PIWIL4: variants seen among roughly 807,000 people sequenced by gnomAD.
The protein encoded by PIWIL4 is piwi-like protein 4.
PIWIL4 carries 50 observed loss-of-function variants against 100.9 expected under a neutral mutation model. The observed-to-expected ratio is 0.50, with a 90% CI of 0.39 to 0.63. PIWIL4 has a LOEUF of 0.63. Ranked by LOEUF, PIWIL4 falls within the 20% of genes least tolerant of loss-of-function variation. The probability of loss-of-function intolerance (pLI) is 0.00; values close to 1 mark genes in which losing one functional copy is unlikely to be tolerated. For synonymous variants in PIWIL4, 342 were observed against 367.5 expected (o/e 0.93, Z 0.79); for missense variants, 887 against 1,043.3 (o/e 0.85, Z 2.06).
chr11:94,588,864 C>T (rs767814954), intron 7 of PIWIL4, among the ~76,000 whole-genome samples: 51 of 152,180 alleles, frequency 3.4e-4, no homozygotes, highest in Non-Finnish European at 5.7e-4. Flanking sequence ...AGTGAGAAAA[C>T]TAGACTGTGG....
chr11:94,607,147 C>G (rs988328222), intron 13 of PIWIL4, among the ~76,000 whole-genome samples: 1 of 151,856 alleles, frequency 6.6e-6, no homozygotes, highest in African/African-American at 2.4e-5. Flanking sequence ...AGGGAATTGA[C>G]AGAATCAAAT....
At chr11:94,614,516 G>C (rs866404079) in intron 15 of PIWIL4, among the ~76,000 whole-genome samples, 14 of 151,784 alleles carry the variant, frequency 9.2e-5, no homozygotes, top group South Asian at 4.2e-4. Context: ...ACCATGTTGG[G>C]CAGGCTGGTC....
At chr11:94,582,917 G>A (rs1948342329) in intron 4 of PIWIL4, among the ~76,000 whole-genome samples, 1 of 151,966 alleles carries the variant, frequency 6.6e-6, no homozygotes, top group South Asian at 2.1e-4. Context: ...GACTTTGGGA[G>A]GCTGTCCTCT....
chr11:94,598,417 G>A (rs932879172), intron 11 of PIWIL4, among the ~76,000 whole-genome samples: 15 of 152,178 alleles, frequency 9.9e-5, no homozygotes, highest in African/African-American at 3.6e-4. Flanking sequence ...ACAGAACCCA[G>A]CCCCAGACAT....
At chr11:94,610,406 T>C (rs1469638183) in intron 15 of PIWIL4, among the ~76,000 whole-genome samples, 1 of 152,124 alleles carries the variant, frequency 6.6e-6, no homozygotes, top group African/African-American at 2.4e-5. Flanking sequence ...ACTTGAAATT[T>C]TTTGAGGAAC....
chr11:94,619,650 G>C, intron 17 of PIWIL4, 110 bp from the exon 18 acceptor site: 1 of 1,239,100 alleles, frequency 8.1e-7, no homozygotes, highest in Non-Finnish European at 1.1e-6. Flanking sequence ...CTGTTTTGCA[G>C]TGTTTTTCAA....
intron 15 of PIWIL4, among the ~76,000 whole-genome samples, chr11:94,612,702 A>G (rs1948800595): frequency 6.6e-6 from 1 of 151,876 alleles, no homozygotes; most frequent in Non-Finnish European, 1.5e-5. Flanking sequence ...TGTTTTGAGT[A>G]TCTACTATGG....
intron 9 of PIWIL4, among the ~76,000 whole-genome samples, chr11:94,594,754 A>T (rs1483334557): frequency 6.6e-6 from 1 of 151,834 alleles, no homozygotes; most frequent in Non-Finnish European, 1.5e-5. Context: ...CTGGTCTCAA[A>T]CTCCCAACCT....
At chr11:94,590,334 T>C (rs1948466781) in intron 8 of PIWIL4, among the ~76,000 whole-genome samples, 1 of 152,194 alleles carries the variant, frequency 6.6e-6, no homozygotes, top group African/African-American at 2.4e-5. Flanking sequence ...AACTGATCTC[T>C]TCCTTCCTTG....
intron 13 of PIWIL4, among the ~76,000 whole-genome samples, chr11:94,605,381 TCTC>T (rs751627431): frequency 1.3e-5 from 2 of 152,208 alleles, no homozygotes; most frequent in African/African-American, 2.4e-5. Context: ...TTGTCTGATG[TCTC>T]CTCATGATTA....
chr11:94,573,235 C>G (rs546317937), intron 2 of PIWIL4, among the ~76,000 whole-genome samples: 1 of 152,174 alleles, frequency 6.6e-6, no homozygotes, highest in Non-Finnish European at 1.5e-5. Flanking sequence ...CATCTGCAAA[C>G]GGAGACAATT....
At chr11:94,609,591 G>A (rs1235249908) in intron 15 of PIWIL4, among the ~76,000 whole-genome samples, 2 of 151,958 alleles carry the variant, frequency 1.3e-5, no homozygotes, top group East Asian at 3.9e-4. Context: ...TCTTATATAT[G>A]CCACATCATT....
intron 13 of PIWIL4, among the ~76,000 whole-genome samples, chr11:94,605,051 C>CT (rs1469396035): frequency 6.6e-6 from 1 of 152,168 alleles, no homozygotes; most frequent in Non-Finnish European, 1.5e-5. Flanking sequence ...TATTTTCTAT[C>CT]TTTTTTGCTG....
At chr11:94,619,925 A>G in intron 18 of PIWIL4, 40 bp downstream of exon 18, 2 of 1,614,096 alleles carry the variant, frequency 1.2e-6, no homozygotes, top group Non-Finnish European at 1.7e-6. Flanking sequence ...CAAAACATTC[A>G]TTGCGTCCAG....
intron 5 of PIWIL4, among the ~76,000 whole-genome samples, chr11:94,584,618 C>T (rs758166504): frequency 1.1e-4 from 17 of 152,172 alleles, no homozygotes; most frequent in Non-Finnish European, 1.8e-4. Flanking sequence ...GGCTTAGGCT[C>T]AGTGACATTT....
intron 4 of PIWIL4, among the ~76,000 whole-genome samples, chr11:94,582,550 CT>C (rs1474481834): frequency 6.6e-6 from 1 of 152,168 alleles, no homozygotes; most frequent in Non-Finnish European, 1.5e-5. Flanking sequence ...CTGACTTTAT[CT>C]AATTGCTTAT....
chr11:94,591,356 A>G (rs149900414), intron 8 of PIWIL4, among the ~76,000 whole-genome samples: 119 of 152,338 alleles, frequency 7.8e-4, no homozygotes, highest in African/African-American at 2.6e-3. Flanking sequence ...CCAAGTGTGA[A>G]GTCCTCTCTG....
At chr11:94,584,303 T>C (rs543852333) in intron 5 of PIWIL4, among the ~76,000 whole-genome samples, 1 of 152,356 alleles carries the variant, frequency 6.6e-6, no homozygotes, top group African/African-American at 2.4e-5. Context: ...TGTTCAACAG[T>C]GACCTCTGGA....
Position 94,568,808 on chromosome 11 carries a change from G to A in PIWIL4, c.166G>A (p.Asp56Asn), listed in dbSNP as rs751887144. The A allele has an allele frequency of 1.3e-6, 2 of 1,592,676 alleles. No homozygotes were observed. The highest frequency in any genetic ancestry group is 2.2e-5 in the East Asian group (1 of 44,780). The change falls in exon 2 of 20, where the codon GAT becomes AAT. Residue 56 changes from aspartate to asparagine, a missense_variant and splice_region_variant. Around this residue, in one of 2 missense-constraint regions of PIWIL4, gnomAD observed 146 missense variants for 113.4 expected, o/e 1.29. Coordinates refer to ENST00000299001, the MANE Select transcript of PIWIL4 (RefSeq NM_152431.3). ...FLGTSRISTN[D>N]KYGISSGDAG... The stretch of plus-strand genomic sequence containing the variant: ...GGGAACAAGCAGGATCTCAACCAAC[G>A]GTAAGTGCAGCTCAGCCTGTTCATT...
Sources: gnomAD v4.1 joint callset for allele counts (sites outside exome capture counted in the v4.1 genomes callset) on GRCh38, gnomAD v4.1.1 for gene constraint, gnomAD v4.1.1 regional missense constraint, MANE v1.5 for transcripts, NCBI Gene and HGNC (gene_info 2026-07-23, HGNC 2026-07-21) for gene names.